The following FAM168A variants were observed in gnomAD, a reference collection of about 807,000 sequenced individuals.
FAM168A encodes family with sequence similarity 168 member A.
FAM168A carries 3 observed loss-of-function variants against 28.5 expected under a neutral mutation model. The ratio of observed to expected loss-of-function variants is 0.11; its 90% confidence interval spans 0.05 to 0.27. FAM168A has a LOEUF of 0.27. Ranked by LOEUF, FAM168A falls within the 10% of genes least tolerant of loss-of-function variation. The pLI, the probability that FAM168A is intolerant of heterozygous loss-of-function variation, is 1.00. For synonymous variants in FAM168A, 122 were observed against 124.2 expected (o/e 0.98, Z 0.12); for missense variants, 222 against 311.5 (o/e 0.71, Z 2.16).
chr11:73,566,121 C>G (rs1489425409), intron 1 of FAM168A, among the ~76,000 whole-genome samples: 1 of 152,106 alleles, frequency 6.6e-6, no homozygotes, highest in Non-Finnish European at 1.5e-5. Flanking sequence ...GGATTAACAC[C>G]AGAACAGATG....
intron 2 of FAM168A, among the ~76,000 whole-genome samples, chr11:73,464,901 C>T (rs1182590772): frequency 2.6e-5 from 4 of 151,324 alleles, no homozygotes; most frequent in Admixed American, 2.6e-4. Flanking sequence ...GATTGAGGCC[C>T]AGAAAGCTTG....
chr11:73,420,420 T>TA (rs891587533), intron 3 of FAM168A, among the ~76,000 whole-genome samples: 2 of 152,184 alleles, frequency 1.3e-5, no homozygotes, highest in African/African-American at 4.8e-5. Context: ...CATCTGGAGG[T>TA]ATATTTATAA....
chr11:73,577,463 T>C (rs917443720), intron 1 of FAM168A, among the ~76,000 whole-genome samples: 4 of 152,248 alleles, frequency 2.6e-5, no homozygotes, highest in Admixed American at 6.5e-5. Flanking sequence ...AAAATACTTA[T>C]ATTAAAAACC....
At chr11:73,438,403 C>T (rs139540238) in intron 2 of FAM168A, among the ~76,000 whole-genome samples, 46 of 152,166 alleles carry the variant, frequency 3.0e-4, no homozygotes, top group African/African-American at 9.4e-4. Context: ...AGGAGTTTGT[C>T]AAGGTGCGGA....
At chr11:73,441,714 A>G (rs1228293649) in intron 2 of FAM168A, among the ~76,000 whole-genome samples, 2 of 152,146 alleles carry the variant, frequency 1.3e-5, no homozygotes, top group African/African-American at 2.4e-5. Context: ...CAGATTTTCT[A>G]TTTCTTCACG....
At chr11:73,417,591 ACT>A (rs1178717594) in intron 4 of FAM168A, among the ~76,000 whole-genome samples, 4 of 125,948 alleles carry the variant, frequency 3.2e-5, no homozygotes, top group Non-Finnish European at 6.4e-5. Context: ...ACGGAGTCTC[ACT>A]CTGTTGCCCA....
intron 1 of FAM168A, among the ~76,000 whole-genome samples, chr11:73,576,514 T>C (rs1442923291): frequency 6.6e-6 from 1 of 152,210 alleles, no homozygotes; most frequent in Non-Finnish European, 1.5e-5. Flanking sequence ...GAAAACTGAA[T>C]GAGCGGTTAC....
intron 2 of FAM168A, among the ~76,000 whole-genome samples, chr11:73,442,245 C>T (rs1327871507): frequency 6.6e-6 from 1 of 151,906 alleles, no homozygotes; most frequent in African/African-American, 2.4e-5. Context: ...CCTGCCTCAG[C>T]CTCCCGAGTA....
At chr11:73,456,869 T>C (rs952736947) in intron 2 of FAM168A, among the ~76,000 whole-genome samples, 1 of 152,232 alleles carries the variant, frequency 6.6e-6, no homozygotes, top group Non-Finnish European at 1.5e-5. Flanking sequence ...CTGGTGCAGA[T>C]TGCTGGAGCT....
chr11:73,415,865 G>C (rs932470757), intron 4 of FAM168A, among the ~76,000 whole-genome samples: 3 of 152,192 alleles, frequency 2.0e-5, no homozygotes, highest in Non-Finnish European at 2.9e-5. Flanking sequence ...TTAAGACTTT[G>C]GAATGTTGTG....
At chr11:73,478,516 A>G (rs1003493510) in intron 1 of FAM168A, among the ~76,000 whole-genome samples, 3 of 150,502 alleles carry the variant, frequency 2.0e-5, no homozygotes, top group African/African-American at 5.0e-5. Flanking sequence ...GTGTGGAAAA[A>G]AAGTCTAAAA....
intron 2 of FAM168A, among the ~76,000 whole-genome samples, chr11:73,442,361 C>T (rs1867212890): frequency 6.6e-6 from 1 of 152,070 alleles, no homozygotes; most frequent in Non-Finnish European, 1.5e-5. Context: ...CTCCTGACCT[C>T]ATGATCCGTC....
At chr11:73,511,856 C>T (rs558355495) in intron 1 of FAM168A, among the ~76,000 whole-genome samples, 140 of 152,166 alleles carry the variant, frequency 9.2e-4, no homozygotes, top group Non-Finnish European at 1.4e-3. Flanking sequence ...CACATTTCAG[C>T]CACTCTGTGT....
chr11:73,428,773 T>C (rs1002089304), intron 3 of FAM168A, among the ~76,000 whole-genome samples: 2 of 152,210 alleles, frequency 1.3e-5, no homozygotes, highest in Non-Finnish European at 2.9e-5. Flanking sequence ...TAAAGGTAAA[T>C]ATGAAACCAG....
intron 2 of FAM168A, among the ~76,000 whole-genome samples, chr11:73,438,658 T>C (rs1032457931): frequency 1.3e-5 from 2 of 151,002 alleles, no homozygotes; most frequent in Admixed American, 1.3e-4. Context: ...AACTGGGGGG[T>C]TTCATATGTA....
chr11:73,408,402 G>A (rs1050851041), intron 6 of FAM168A, among the ~76,000 whole-genome samples: 4 of 152,234 alleles, frequency 2.6e-5, no homozygotes, highest in South Asian at 2.1e-4. Flanking sequence ...ATACCCTTAC[G>A]TTAGGGACAG....
intron 1 of FAM168A, among the ~76,000 whole-genome samples, chr11:73,514,316 C>T (rs1385436643): frequency 6.6e-6 from 1 of 152,094 alleles, no homozygotes; most frequent in Non-Finnish European, 1.5e-5. Flanking sequence ...TATATAAACG[C>T]ACCTGGCATA....
intron 1 of FAM168A, among the ~76,000 whole-genome samples, chr11:73,522,217 A>AG (rs397744645): frequency 8.6e-5 from 13 of 151,218 alleles, no homozygotes; most frequent in Non-Finnish European, 4.4e-5. Context: ...AAAAAAAAAA[A>AG]TGGACATGGC....
intron 1 of FAM168A, among the ~76,000 whole-genome samples, chr11:73,490,545 C>G (rs1868113593): frequency 6.6e-6 from 1 of 152,214 alleles, no homozygotes; most frequent in Non-Finnish European, 1.5e-5. Flanking sequence ...AGGCACTTCA[C>G]TTCAGCCATC....
Sources: allele counts gnomAD v4.1 joint callset (sites outside exome capture counted in the v4.1 genomes callset), GRCh38; gene constraint gnomAD v4.1.1; transcripts MANE v1.5; gene names NCBI Gene and HGNC (gene_info 2026-07-23, HGNC 2026-07-21).